EPHA5: variants seen among roughly 807,000 people sequenced by gnomAD.
EPHA5 encodes the protein EPH receptor A5, also known as ephrin type-A receptor 5.
A neutral mutation model predicts 105.0 loss-of-function variants in EPHA5; 60 were observed. The ratio of observed to expected loss-of-function variants is 0.57; its 90% CI spans 0.46 to 0.71. The LOEUF is 0.71. Ranked by LOEUF, EPHA5 falls within the 30% of genes least tolerant of loss-of-function variation. The pLI is 0.00. For missense variants in EPHA5, 1,218 were observed against 1,274.7 expected, an observed-to-expected ratio of 0.96 and a Z score of 0.68; for synonymous variants, 513 against 449.1, an observed-to-expected ratio of 1.14 and a Z score of -1.80.
At chr4:65,359,722 C>T (rs546838953) in intron 11 of EPHA5, among the ~76,000 whole-genome samples, 2 of 151,708 alleles carry the variant, frequency 1.3e-5, no homozygotes, top group South Asian at 4.2e-4. Flanking sequence ...CTGACCTAAT[C>T]CATAATGATC....
At chr4:65,489,122 C>T (rs1459560639) in intron 5 of EPHA5, among the ~76,000 whole-genome samples, 1 of 152,016 alleles carries the variant, frequency 6.6e-6, no homozygotes, top group Admixed American at 6.6e-5. Flanking sequence ...TGGTCTCGAT[C>T]TCCTGACCTC....
rs141676142 is a variant in EPHA5 at position 65,375,375 on chromosome 4, G to T, written c.1794-7951C>A. 1.6e-4 allele frequency among the ~76,000 whole-genome samples: 24 copies of T among 151,006 alleles called. No homozygotes were observed. In the East Asian group the frequency reaches 4.7e-3, roughly 30 times the overall value. On this transcript the variant is annotated intron_variant, in intron 8 of 16. Coordinates refer to ENST00000613740, the MANE Select transcript of EPHA5 (RefSeq NM_001281766.3). The stretch of plus-strand genomic sequence containing the variant: ...TGCCTTCACAATTTCTAACATTATT[G>T]GAAGAAAGATATTGTCATCTTCAGT...
intron 5 of EPHA5, among the ~76,000 whole-genome samples, chr4:65,460,651 G>A (rs1048382454): frequency 6.6e-6 from 1 of 151,516 alleles, no homozygotes; most frequent in Admixed American, 6.6e-5. Context: ...TAGATAGGCA[G>A]GTAGATAAAA....
chr4:65,354,270 T>C (rs902807307), intron 11 of EPHA5, among the ~76,000 whole-genome samples: 2 of 151,850 alleles, frequency 1.3e-5, no homozygotes, highest in African/African-American at 4.8e-5. Context: ...TAGATGTAAG[T>C]TGACCAAGAG....
chr4:65,625,144 CAT>C (rs1441749622), intron 2 of EPHA5, among the ~76,000 whole-genome samples: 3 of 151,918 alleles, frequency 2.0e-5, no homozygotes, highest in African/African-American at 7.2e-5. Flanking sequence ...TATGATATAA[CAT>C]ATTAAACTTT....
At chr4:65,519,074 C>A (rs970347864) in intron 3 of EPHA5, among the ~76,000 whole-genome samples, 2 of 152,072 alleles carry the variant, frequency 1.3e-5, no homozygotes, top group African/African-American at 4.8e-5. Context: ...CAATAAAATT[C>A]TGGCAAACTG....
chr4:65,331,182 C>T, intron 16 of EPHA5: 2 of 1,026,788 alleles, frequency 1.9e-6, no homozygotes, highest in Non-Finnish European at 2.4e-6. Context: ...ATTATATTCA[C>T]AGGTTAAAAC....
At chr4:65,618,419 A>T (rs1048190398) in intron 2 of EPHA5, among the ~76,000 whole-genome samples, 4 of 152,296 alleles carry the variant, frequency 2.6e-5, no homozygotes, top group African/African-American at 7.2e-5. Flanking sequence ...AAAGAAAAAA[A>T]TTTTACAAGT....
In EPHA5 at chr4:65,322,632, A is replaced by G. The variant is rs2148772418; in HGVS notation, c.*1482T>C. 1 of 225,484 alleles carries G rather than the reference A, an allele frequency of 4.4e-6. No individual in the cohort carries two copies. The highest frequency in any genetic ancestry group is 8.8e-6 in the Non-Finnish European group (1 of 113,112). 14.0% of individuals were successfully genotyped at this position (225,484 alleles called of 1,614,324 possible). A position where few individuals can be genotyped will look rare whatever the true frequency, so the allele number is the denominator to read the frequency against. ...TAAGTCTTCATCATGTGTGGTATAT[A>G]GAGCATACATAGAAGATATGTTATA... On this transcript the variant is annotated 3_prime_UTR_variant, in exon 17 of 17. Coordinates refer to ENST00000613740, the MANE Select transcript of EPHA5 (RefSeq NM_001281766.3).
intron 3 of EPHA5, among the ~76,000 whole-genome samples, chr4:65,499,642 G>T (rs1046929603): frequency 2.0e-5 from 3 of 151,352 alleles, no homozygotes; most frequent in African/African-American, 7.3e-5. Flanking sequence ...ATTACAAAAT[G>T]CTAGCATAGC....
intron 3 of EPHA5, among the ~76,000 whole-genome samples, chr4:65,540,365 G>A (rs1736697777): frequency 6.6e-6 from 1 of 151,338 alleles, no homozygotes; most frequent in Non-Finnish European, 1.5e-5. Flanking sequence ...CTCTGTCACT[G>A]GCAACACTAT....
intron 3 of EPHA5, among the ~76,000 whole-genome samples, chr4:65,512,530 T>C (rs1223161905): frequency 1.3e-5 from 2 of 152,040 alleles, no homozygotes; most frequent in Admixed American, 1.3e-4. Context: ...AAGATCTGGT[T>C]GTCCAAAAGT....
intron 3 of EPHA5, among the ~76,000 whole-genome samples, chr4:65,562,604 A>C (rs1041815695): frequency 3.9e-5 from 6 of 152,086 alleles, no homozygotes; most frequent in African/African-American, 1.4e-4. Context: ...CATATGGTTC[A>C]TTATGCAAGG....
chr4:65,461,855 A>G (rs1728153883), intron 5 of EPHA5, among the ~76,000 whole-genome samples: 1 of 152,086 alleles, frequency 6.6e-6, no homozygotes, highest in South Asian at 2.1e-4. Flanking sequence ...GAGAAAAATG[A>G]GAACAAAAGC....
intron 5 of EPHA5, among the ~76,000 whole-genome samples, chr4:65,465,541 G>GAAA (rs1560567696): frequency 1.2e-4 from 8 of 67,140 alleles, no homozygotes; most frequent in African/African-American, 2.7e-4. Context: ...AGAAAGGAAA[G>GAAA]GAAGGAAAGG....
chr4:65,464,491 A>G (rs767612683), intron 5 of EPHA5, among the ~76,000 whole-genome samples: 29 of 152,152 alleles, frequency 1.9e-4, no homozygotes, highest in Non-Finnish European at 3.2e-4. Context: ...ATAAAGAACC[A>G]GAAAATCAAA....
chr4:65,380,993 T>G (rs1242284025), intron 8 of EPHA5, among the ~76,000 whole-genome samples: 1 of 151,684 alleles, frequency 6.6e-6, no homozygotes, highest in East Asian at 1.9e-4. Context: ...ACTGATGAAA[T>G]GAGATAATAA....
rs1729011022 is a variant in EPHA5 at position 65,468,800 on chromosome 4, TA to T, written c.1402+21576del. On this transcript the variant is annotated intron_variant, in intron 5 of 16. Coordinates refer to ENST00000613740, the MANE Select transcript of EPHA5 (RefSeq NM_001281766.3). ...AAGCTTTCACAAAACGCTTATGAACTAACACAAAATTACACAAAAATACTGC... is the reference window on the plus strand; with the variant it reads ...AAGCTTTCACAAAACGCTTATGAACTACACAAAATTACACAAAAATACTGC... 2.0e-5 allele frequency among the ~76,000 whole-genome samples: 3 copies of T among 150,790 alleles called. No homozygotes were observed. The South Asian group carries it at 6.2e-4, about 31-fold the overall frequency.
At chr4:65,458,885 A>G (rs75114389) in intron 5 of EPHA5, among the ~76,000 whole-genome samples, 2,550 of 152,192 alleles carry the variant, frequency 0.017, 29 homozygotes, top group South Asian at 0.036. Flanking sequence ...TGAGATGAAT[A>G]TCGTCATTAA....
Sources: allele counts gnomAD v4.1 joint callset (sites outside exome capture counted in the v4.1 genomes callset), GRCh38; gene constraint gnomAD v4.1.1; transcripts MANE v1.5; gene names NCBI Gene and HGNC (gene_info 2026-07-23, HGNC 2026-07-21).